CPED1: variants seen among roughly 807,000 people sequenced by gnomAD.
The protein encoded by CPED1 is cadherin like and PC-esterase domain containing 1.
A neutral mutation model predicts 128.2 loss-of-function variants in CPED1; 114 were observed. That is an observed-to-expected ratio of 0.89 (90% CI 0.76 to 1.04). CPED1 has a LOEUF of 1.04. CPED1 is among the 50% of genes least tolerant of loss of function. The pLI is 0.00. For synonymous variants in CPED1, 462 were observed against 426.7 expected, an observed-to-expected ratio of 1.08 and a Z score of -1.02; for missense variants, 1,211 against 1,207.1, an observed-to-expected ratio of 1.00 and a Z score of -0.05.
intron 16 of CPED1, among the ~76,000 whole-genome samples, chr7:121,204,078 A>G (rs1466257742): frequency 6.6e-6 from 1 of 151,982 alleles, no homozygotes; most frequent in Non-Finnish European, 1.5e-5. Context: ...AACACCCCAC[A>G]TTTCAGAACC....
At chr7:121,121,180 A>G (rs996090072) in intron 7 of CPED1, among the ~76,000 whole-genome samples, 2 of 152,172 alleles carry the variant, frequency 1.3e-5, no homozygotes, top group East Asian at 1.9e-4. Context: ...AATGAAGTAG[A>G]TAACAAGGAC....
At chr7:121,154,500 A>AAAATATGT (rs1796235667) in intron 16 of CPED1, among the ~76,000 whole-genome samples, 1 of 151,672 alleles carries the variant, frequency 6.6e-6, no homozygotes, top group Non-Finnish European at 1.5e-5. Context: ...TTTTTATCAC[A>AAAATATGT]AAATATGTTG....
At chr7:121,268,742 C>T (rs1200985740) in intron 21 of CPED1, among the ~76,000 whole-genome samples, 1 of 151,926 alleles carries the variant, frequency 6.6e-6, no homozygotes. Context: ...TCAGTCACCT[C>T]CAGACCTTTG....
chr7:121,275,945 A>G (rs1457389791), intron 22 of CPED1, among the ~76,000 whole-genome samples: 1 of 151,716 alleles, frequency 6.6e-6, no homozygotes, highest in Non-Finnish European at 1.5e-5. Flanking sequence ...GTAAAAAAAA[A>G]AAAACTGAAA....
rs187848334 is a variant in CPED1 at position 121,068,291 on chromosome 7, A to G, written c.616+3978A>G. On this transcript the variant is annotated intron_variant, in intron 5 of 22. Coordinates refer to ENST00000310396, the MANE Select transcript of CPED1 (RefSeq NM_024913.5). ...TAATCCATCTTCAATTAATTTTTGT[A>G]TAAGGTATAAGGAAGGGATCCAGTT... Among the ~76,000 whole-genome samples the G allele has an allele frequency of 9.2e-3, 1,400 of 152,274 alleles. 26 individuals are homozygous for G. The highest frequency in any genetic ancestry group is 0.032 in the African/African-American group (1,334 of 41,530).
At chr7:121,119,944 A>T (rs1021947033) in intron 7 of CPED1, among the ~76,000 whole-genome samples, 3 of 152,218 alleles carry the variant, frequency 2.0e-5, no homozygotes, top group Admixed American at 1.3e-4. Context: ...TATTTCACTT[A>T]GCGAATATTG....
chr7:121,060,142 C>A (rs1438246678), intron 4 of CPED1, among the ~76,000 whole-genome samples: 1 of 152,196 alleles, frequency 6.6e-6, no homozygotes, highest in African/African-American at 2.4e-5. Context: ...TGTGCTGGGT[C>A]CCCCAGCAGT....
At chr7:121,171,444 C>T (rs1188413208) in intron 16 of CPED1, among the ~76,000 whole-genome samples, 1 of 152,160 alleles carries the variant, frequency 6.6e-6, no homozygotes, top group Non-Finnish European at 1.5e-5. Flanking sequence ...TCTTCATTGG[C>T]AGCATACCAT....
intron 16 of CPED1, among the ~76,000 whole-genome samples, chr7:121,144,511 T>C (rs1442338665): frequency 6.6e-6 from 1 of 152,022 alleles, no homozygotes; most frequent in African/African-American, 2.4e-5. Flanking sequence ...AGTAGAATGC[T>C]GGTTAACCAT....
At chr7:121,049,749 T>C (rs1302492227) in intron 4 of CPED1, among the ~76,000 whole-genome samples, 24 of 152,222 alleles carry the variant, frequency 1.6e-4, no homozygotes, top group Non-Finnish European at 1.0e-4. Flanking sequence ...TTATTCTTAC[T>C]GTTTTGTCTG....
At chr7:121,158,140 A>G (rs1044152495) in intron 16 of CPED1, among the ~76,000 whole-genome samples, 2 of 152,332 alleles carry the variant, frequency 1.3e-5, no homozygotes, top group Admixed American at 1.3e-4. Flanking sequence ...GCAAATAGGA[A>G]GTAATTATTG....
At chr7:120,996,053 A>G (rs1424564237) in intron 2 of CPED1, among the ~76,000 whole-genome samples, 1 of 151,826 alleles carries the variant, frequency 6.6e-6, no homozygotes, top group African/African-American at 2.4e-5. Flanking sequence ...CTGAAGCAGG[A>G]GGATCACTTA....
chr7:121,211,288 A>G (rs1797634618), intron 16 of CPED1, among the ~76,000 whole-genome samples: 1 of 152,090 alleles, frequency 6.6e-6, no homozygotes, highest in Non-Finnish European at 1.5e-5. Flanking sequence ...ACACATTTCC[A>G]ATTAAAAGGA....
intron 14 of CPED1, among the ~76,000 whole-genome samples, chr7:121,138,963 A>T (rs1487805733): frequency 6.6e-6 from 1 of 151,942 alleles, no homozygotes; most frequent in African/African-American, 2.4e-5. Context: ...CTGGAGAAAA[A>T]ACTTTGATGA....
At chr7:121,022,168 A>G (rs561508234) in intron 3 of CPED1, among the ~76,000 whole-genome samples, 3 of 152,038 alleles carry the variant, frequency 2.0e-5, no homozygotes, top group Admixed American at 6.6e-5. Context: ...AAATACATGA[A>G]CAAAGGAAGA....
chr7:121,227,083 A>C (rs1192004906), intron 16 of CPED1, among the ~76,000 whole-genome samples: 4 of 152,138 alleles, frequency 2.6e-5, no homozygotes, highest in Non-Finnish European at 5.9e-5. Flanking sequence ...TATTCTGTAG[A>C]GACTCAAAAA....
At chr7:121,026,766 A>G (rs1322025786) in intron 3 of CPED1, among the ~76,000 whole-genome samples, 1 of 150,844 alleles carries the variant, frequency 6.6e-6, no homozygotes, top group African/African-American at 2.4e-5. Flanking sequence ...TCACATTTCA[A>G]AGCTTTCTGC....
At chr7:121,291,259 T>C (rs1183574428) in intron 22 of CPED1, among the ~76,000 whole-genome samples, 2 of 152,226 alleles carry the variant, frequency 1.3e-5, no homozygotes, top group African/African-American at 4.8e-5. Flanking sequence ...TTTGTTCTTT[T>C]TGCTTAGGAT....
chr7:121,009,932 G>A (rs1017665502), intron 2 of CPED1, among the ~76,000 whole-genome samples: 1 of 151,984 alleles, frequency 6.6e-6, no homozygotes, highest in African/African-American at 2.4e-5. Flanking sequence ...TAATTAAAGG[G>A]CATGCATGTA....
Sources: gnomAD v4.1 joint callset for allele counts (sites outside exome capture counted in the v4.1 genomes callset) on GRCh38, gnomAD v4.1.1 for gene constraint, MANE v1.5 for transcripts, NCBI Gene and HGNC (gene_info 2026-07-23, HGNC 2026-07-21) for gene names.